The following MIA2 variants were observed in gnomAD, a reference collection of about 807,000 sequenced individuals.
MIA2 encodes the protein MIA SH3 domain ER export factor 2.
A neutral mutation model predicts 167.8 loss-of-function variants in MIA2; 127 were observed. That is an observed-to-expected ratio of 0.76 (90% CI 0.66 to 0.88). The LOEUF is 0.88. MIA2 is among the 40% of genes least tolerant of loss of function. The pLI is 0.00. For synonymous variants in MIA2, 552 were observed against 541.9 expected, an observed-to-expected ratio of 1.02 and a Z score of -0.26; for missense variants, 1,690 against 1,624.7, an observed-to-expected ratio of 1.04 and a Z score of -0.69.
At chr14:39,321,160 G>T in intron 24 of MIA2, 104 bp downstream of exon 24, 1 of 1,076,528 alleles carries the variant, frequency 9.3e-7, no homozygotes, top group South Asian at 1.6e-5. Context: ...GAAAATACAG[G>T]CATTCCTTGC....
Position 39,235,270 on chromosome 14 carries a change from C to CA in MIA2, c.115+1041_115+1042insA, listed in dbSNP as rs2053681583. 2.0e-5 allele frequency among the ~76,000 whole-genome samples: 3 copies of CA among 152,124 alleles called. No individual in the cohort carries two copies. In the South Asian group the frequency reaches 6.2e-4, roughly 32 times the overall value. On this transcript the variant is annotated intron_variant, in intron 1 of 28. Transcript: ENST00000640607. ...AGCCTGAGCTCAGGGAATCCACCTGCCTCAGCCTCCCAAAGTGCTAAGATT... is the reference window on the plus strand; with the variant it reads ...AGCCTGAGCTCAGGGAATCCACCTGCACTCAGCCTCCCAAAGTGCTAAGATT...
intron 2 of MIA2, among the ~76,000 whole-genome samples, chr14:39,238,314 A>G (rs986077440): frequency 3.9e-5 from 6 of 151,910 alleles, no homozygotes; most frequent in Non-Finnish European, 2.9e-5. Flanking sequence ...CTGGGATTAC[A>G]GGTGTCTGCC....
chr14:39,285,652 G>A (rs1459252466), intron 9 of MIA2, among the ~76,000 whole-genome samples: 3 of 147,416 alleles, frequency 2.0e-5, no homozygotes, highest in Admixed American at 6.7e-5. Context: ...GTGGCTGGCC[G>A]GGCTGGGGCT....
intron 13 of MIA2, among the ~76,000 whole-genome samples, chr14:39,298,798 T>C (rs1470790089): frequency 2.0e-5 from 3 of 151,402 alleles, no homozygotes; most frequent in Admixed American, 6.6e-5. Flanking sequence ...AGAATTCCTT[T>C]CTTGGTGGGG....
chr14:39,367,198 G>T (rs1047272448), intron 23 of MIA2, among the ~76,000 whole-genome samples: 3 of 152,162 alleles, frequency 2.0e-5, no homozygotes, highest in Non-Finnish European at 4.4e-5. Context: ...TATCCTTGGG[G>T]TGCAGGATAC....
intron 7 of MIA2, among the ~76,000 whole-genome samples, chr14:39,277,712 A>ATGTGTG: frequency 2.0e-4 from 1 of 4,950 alleles, no homozygotes; most frequent in Middle Eastern, 0.071. Context: ...ATATATATAT[A>ATGTGTG]TATGTGTGTA....
intron 9 of MIA2, among the ~76,000 whole-genome samples, chr14:39,286,734 C>G (rs1469777926): frequency 7.2e-6 from 1 of 139,010 alleles, no homozygotes; most frequent in Admixed American, 7.6e-5. Flanking sequence ...CACTCTGTTG[C>G]CCAGGCTGGA....
chr14:39,353,586 T>C (rs578068362), downstream of MIA2, among the ~76,000 whole-genome samples: 5 of 152,310 alleles, frequency 3.3e-5, no homozygotes, highest in East Asian at 9.6e-4. Context: ...GTTTTTTTAT[T>C]ATACTTCAAG....
At chr14:39,235,583 G>C (rs1038825500) in intron 1 of MIA2, among the ~76,000 whole-genome samples, 2 of 151,812 alleles carry the variant, frequency 1.3e-5, no homozygotes, top group Admixed American at 6.6e-5. Flanking sequence ...TTTGAGACCA[G>C]CCTGGGCAAC....
In MIA2 at chr14:39,255,270, G is replaced by A. The variant is rs908153263; in HGVS notation, c.1887+2099G>A. Among the ~76,000 whole-genome samples the A allele has an allele frequency of 5.3e-5, 8 of 152,278 alleles. No homozygotes were observed. In the South Asian group the frequency reaches 1.0e-3, roughly 20 times the overall value. ...TGAGTGTAATCCCAGCACTTTGGGA[G>A]GCCAAAGTGGGCCGATCAGTTGAGG... On this transcript the variant is annotated intron_variant, in intron 6 of 28. Transcript: ENST00000640607.
intron 18 of MIA2, among the ~76,000 whole-genome samples, chr14:39,309,944 ATTTT>A (rs34259123): frequency 1.3e-5 from 2 of 149,210 alleles, no homozygotes; most frequent in African/African-American, 2.5e-5. Flanking sequence ...CATGGCATGT[ATTTT>A]TTTTTTTTTT....
At chr14:39,354,114 G>C (rs1446168403), downstream of MIA2, among the ~76,000 whole-genome samples, 1 of 152,200 alleles carries the variant, frequency 6.6e-6, no homozygotes, top group African/African-American at 2.4e-5. Flanking sequence ...GGTAGTTCTA[G>C]TTCTAGATCC....
intron 24 of MIA2, among the ~76,000 whole-genome samples, chr14:39,322,353 C>G (rs1357830227): frequency 6.6e-6 from 1 of 151,806 alleles, no homozygotes; most frequent in African/African-American, 2.4e-5. Flanking sequence ...CCATCCTGGC[C>G]AACATGGTGA....
At chr14:39,267,505 C>T (rs1415439031) in intron 6 of MIA2, 4 of 1,613,680 alleles carry the variant, frequency 2.5e-6, no homozygotes, top group Non-Finnish European at 3.4e-6. Flanking sequence ...GGGGCTGCTC[C>T]TGGAGGAGCT....
At chr14:39,265,414 A>G in intron 6 of MIA2, 1 of 1,611,272 alleles carries the variant, frequency 6.2e-7, no homozygotes, top group Non-Finnish European at 8.5e-7. Context: ...AAAAGTCCAG[A>G]GGAAGAGGTG....
At chr14:39,313,090 TTATATAGAAAA>T (rs2064638970) in intron 18 of MIA2, among the ~76,000 whole-genome samples, 2 of 152,144 alleles carry the variant, frequency 1.3e-5, no homozygotes, top group African/African-American at 4.8e-5. Context: ...TAAGATAAAT[TTATATAGAAAA>T]CTCTTGAAAC....
rs73283432 is a variant in MIA2, at chr14:39,386,718, G to C, written c.2249-167G>C. 3.7e-3 allele frequency: 4,913 copies of C among 1,328,452 alleles called. 156 individuals are homozygous for C. The African/African-American group carries it at 0.063, about 17-fold the overall frequency. The allele number at this position is 1,328,452 out of a possible 1,614,324, so 82.3% of individuals were successfully genotyped here. On this transcript the variant is annotated intron_variant, in intron 23 of 23. Transcript: ENST00000341502. ...TTCTTGCCTCTTCCAATGCTTCTTT[G>C]AATATTTGTAATCTGGTTCAGTTTC... is the stretch of plus-strand genomic sequence containing the variant.
chr14:39,288,455 A>ATTTT lies in MIA2; in HGVS notation c.2131-2563_2131-2562insTTTT, dbSNP rs1566747448. Among the ~76,000 whole-genome samples the ATTTT allele has an allele frequency of 7.6e-4, 12 of 15,778 alleles. 1 individual carries two copies. Among genetic ancestry groups the ATTTT allele is most frequent in the Non-Finnish European group, 9.2e-4 (6 of 6,540 alleles). 10.4% of individuals were successfully genotyped at this position (15,778 alleles called of 152,430 possible). A position where few individuals can be genotyped will look rare whatever the true frequency, so the allele number is the denominator to read the frequency against. On this transcript the variant is annotated intron_variant, in intron 9 of 28. Transcript: ENST00000640607. Reference sequence around the variant, plus strand: ...TACATATATATATATATATATATATATATATATATATATATATATATTTTT... The same window carrying ATTTT: ...TACATATATATATATATATATATATATTTTTATATATATATATATATATATTTTT...
rs141233863 is a variant in MIA2 at position 39,346,046 on chromosome 14, TTTC to T, written c.3778+26_3778+28del. The T allele has an allele frequency of 0.085, 135,638 of 1,600,002 alleles. 6,702 individuals carry two copies. Among genetic ancestry groups the T allele is most frequent in the South Asian group, 0.18 (16,168 of 89,240 alleles). On this transcript the variant is annotated intron_variant, in intron 26 of 28. Transcript: ENST00000640607. ...AAATGGGTAAGAAGTACTTTGTGCT[TTTC>T]TTCTTTAAAAATTTTGGTGGCACAC...
Sources: allele counts gnomAD v4.1 joint callset (sites outside exome capture counted in the v4.1 genomes callset), GRCh38; gene constraint gnomAD v4.1.1; transcripts MANE v1.5; gene names NCBI Gene and HGNC (gene_info 2026-07-23, HGNC 2026-07-21).